Variants in MEOX1 observed in about 807,000 individuals in gnomAD.
MEOX1 encodes the protein homeobox protein MOX-1.
In MEOX1, 17 loss-of-function variants were observed where a neutral mutation model predicts 23.2. The observed-to-expected ratio is 0.73, with a 90% confidence interval of 0.50 to 1.10. The LOEUF (loss-of-function observed/expected upper bound fraction) is 1.10, where lower values mean the gene tolerates loss of function less well. MEOX1 is among the 50% of genes least tolerant of loss of function. The pLI, the probability that MEOX1 is intolerant of heterozygous loss-of-function variation, is 0.00. For synonymous variants in MEOX1, 134 were observed against 135.1 expected, an observed-to-expected ratio of 0.99 and a Z score of 0.06; for missense variants, 333 against 332.2, an observed-to-expected ratio of 1.00 and a Z score of -0.02.
intron 1 of MEOX1, among the ~76,000 whole-genome samples, chr17:43,655,633 C>A (rs111252571): frequency 1.4e-5 from 2 of 139,806 alleles, no homozygotes; most frequent in African/African-American, 5.4e-5. Context: ...ACACCTGCCT[C>A]GGCAGCATAG....
chr17:43,655,469 C>CAA (rs879765013), intron 1 of MEOX1, among the ~76,000 whole-genome samples: 2 of 105,772 alleles, frequency 1.9e-5, no homozygotes, highest in Non-Finnish European at 2.0e-5. Context: ...GACTCCGTCT[C>CAA]AAAAAAAAAA....
chr17:43,644,585 A>G (rs1459379700), intron 1 of MEOX1, among the ~76,000 whole-genome samples: 1 of 152,266 alleles, frequency 6.6e-6, no homozygotes, highest in Non-Finnish European at 1.5e-5. Context: ...TGTGGGAGAC[A>G]AGAATTAAAT....
chr17:43,648,194 C>T (rs1327743521), intron 1 of MEOX1, among the ~76,000 whole-genome samples: 7 of 152,074 alleles, frequency 4.6e-5, no homozygotes, highest in East Asian at 3.9e-4. Context: ...CTGGGTGGGG[C>T]GCAGGTGGCT....
Position 43,640,807 on chromosome 17 carries a change from G to A in MEOX1, c.*1103C>T, listed in dbSNP as rs1007202984. ...ATTTCCTCCCACAATAACAGCATTTGTAGAACACACAGCAAGAGCTTAAAT... is the reference window on the plus strand; with the variant it reads ...ATTTCCTCCCACAATAACAGCATTTATAGAACACACAGCAAGAGCTTAAAT... On this transcript the variant is annotated 3_prime_UTR_variant, in exon 3 of 3. Coordinates refer to ENST00000318579, the MANE Select transcript of MEOX1 (RefSeq NM_004527.4). 1 of 152,202 alleles carries A rather than the reference G, an allele frequency of 6.6e-6. No individual in the cohort carries two copies. The highest frequency in any genetic ancestry group is 2.4e-5 in the African/African-American group (1 of 41,442). 9.4% of individuals were successfully genotyped at this position (152,202 alleles called of 1,614,324 possible).
chr17:43,646,503 TG>T (rs1166441877), intron 1 of MEOX1, among the ~76,000 whole-genome samples: 4 of 151,416 alleles, frequency 2.6e-5, no homozygotes, highest in Non-Finnish European at 4.4e-5. Context: ...TTGCGGGGAG[TG>T]GATAGCCCAG....
intron 1 of MEOX1, among the ~76,000 whole-genome samples, chr17:43,646,506 A>C (rs1463579588): frequency 6.6e-6 from 1 of 152,214 alleles, no homozygotes. Context: ...CGGGGAGTGG[A>C]TAGCCCAGAG....
At chr17:43,647,956 A>G (rs548484302) in intron 1 of MEOX1, among the ~76,000 whole-genome samples, 4 of 152,378 alleles carry the variant, frequency 2.6e-5, no homozygotes, top group African/African-American at 9.6e-5. Flanking sequence ...AGTGGGATCA[A>G]CGTTCACCAC....
intron 1 of MEOX1, among the ~76,000 whole-genome samples, chr17:43,652,524 G>A (rs1972936304): frequency 1.3e-5 from 2 of 152,146 alleles, no homozygotes; most frequent in African/African-American, 2.4e-5. Context: ...TAGTCTCACA[G>A]CTACCCACCT....
At chr17:43,647,164 T>G (rs1821319711) in intron 1 of MEOX1, among the ~76,000 whole-genome samples, 1 of 152,170 alleles carries the variant, frequency 6.6e-6, no homozygotes, top group Admixed American at 6.5e-5. Flanking sequence ...TGGATACTGT[T>G]CTTACCCCCT....
chr17:43,654,336 CCT>C (rs778101731), intron 1 of MEOX1, among the ~76,000 whole-genome samples: 16 of 152,092 alleles, frequency 1.1e-4, no homozygotes, highest in South Asian at 6.3e-4. Flanking sequence ...TGGTAAAACC[CCT>C]GTCTACTAAA....
chr17:43,652,132 AGT>A (rs1972929661), intron 1 of MEOX1, among the ~76,000 whole-genome samples: 1 of 152,118 alleles, frequency 6.6e-6, no homozygotes, highest in South Asian at 2.1e-4. Flanking sequence ...ATACTGGCTG[AGT>A]GTGGAGTTGC....
At chr17:43,657,647 T>C (rs773742233) in intron 1 of MEOX1, among the ~76,000 whole-genome samples, 36 of 152,150 alleles carry the variant, frequency 2.4e-4, no homozygotes, top group Non-Finnish European at 5.1e-4. Context: ...AGCCACTCAA[T>C]ATGGGGTGCA....
At chr17:43,659,773 A>C (rs1319852392) in intron 1 of MEOX1, among the ~76,000 whole-genome samples, 1 of 152,192 alleles carries the variant, frequency 6.6e-6, no homozygotes, top group Non-Finnish European at 1.5e-5. Flanking sequence ...CGTGGGACTC[A>C]AAAGAGCTGA....
At chr17:43,654,294 A>T (rs1184099508) in intron 1 of MEOX1, among the ~76,000 whole-genome samples, 1 of 152,098 alleles carries the variant, frequency 6.6e-6, no homozygotes. Context: ...GGATCACCTG[A>T]GGTCAGGAGT....
intron 1 of MEOX1, among the ~76,000 whole-genome samples, chr17:43,649,650 CACA>C (rs1567744712): frequency 5.9e-5 from 9 of 152,154 alleles, no homozygotes. Context: ...CAATTCCAGG[CACA>C]ACAACTAGAT....
intron 1 of MEOX1, among the ~76,000 whole-genome samples, chr17:43,650,996 GGA>G (rs1276303574): frequency 6.6e-6 from 1 of 152,150 alleles, no homozygotes; most frequent in East Asian, 1.9e-4. Flanking sequence ...ATATTTCATG[GGA>G]GAGAGGCAGG....
Position 43,648,281 on chromosome 17 carries a change from A to G in MEOX1, c.470-4621T>C, listed in dbSNP as rs138679493. On this transcript the variant is annotated intron_variant, in intron 1 of 2. Coordinates refer to ENST00000318579, the MANE Select transcript of MEOX1 (RefSeq NM_004527.4). ...TCAGGAGATCGAGACCATCCTGGCT[A>G]ACATGGTGAAACCCCGTCTCTACTA... 2.0e-3 allele frequency among the ~76,000 whole-genome samples: 310 copies of G among 152,186 alleles called. 10 individuals are homozygous for G. In the East Asian group the frequency reaches 0.054, roughly 27 times the overall value.
chr17:43,661,671 C>CA lies in MEOX1; in HGVS notation c.-138dup, dbSNP rs397701349. On this transcript the variant is annotated 5_prime_UTR_variant, in exon 1 of 3. Coordinates refer to ENST00000318579, the MANE Select transcript of MEOX1 (RefSeq NM_004527.4). ...TCAACAGAAAATTTACCCCAGGAAC[C>CA]AAAAAAAAAAAAAAACCCAAAACTA... 0.088 allele frequency: 31,645 copies of CA among 361,538 alleles called. 61 individuals are homozygous for CA. The highest frequency in any genetic ancestry group is 0.1 in the Middle Eastern group (140 of 1,396). The allele number at this position is 361,538 out of a possible 1,614,324, so 22.4% of individuals were successfully genotyped here.
In MEOX1 at chr17:43,641,777, T is replaced by A. The variant is rs922494130; in HGVS notation, c.*133A>T. 9.4e-6 allele frequency: 9 copies of A among 953,544 alleles called. No individual in the cohort carries two copies. In the Admixed American group the frequency reaches 2.4e-4, roughly 25 times the overall value. The allele number at this position is 953,544 out of a possible 1,614,324, so 59.1% of individuals were successfully genotyped here. The stretch of plus-strand genomic sequence containing the variant: ...AGACTCCCAGGAATGCTGGGCAGTT[T>A]CATATCCAAGAGTCAGGGAAAGATG... On this transcript the variant is annotated 3_prime_UTR_variant, in exon 3 of 3. Coordinates refer to ENST00000318579, the MANE Select transcript of MEOX1 (RefSeq NM_004527.4).
Sources: gnomAD v4.1 joint callset for allele counts (sites outside exome capture counted in the v4.1 genomes callset) on GRCh38, gnomAD v4.1.1 for gene constraint, MANE v1.5 for transcripts, NCBI Gene and HGNC (gene_info 2026-07-23, HGNC 2026-07-21) for gene names.